GPR139: variants seen among roughly 807,000 people sequenced by gnomAD.
GPR139 encodes G protein-coupled receptor 139.
Under a neutral mutation model 25.8 loss-of-function variants are expected in GPR139, and 12 were observed. That is an observed-to-expected ratio of 0.47 (90% CI 0.30 to 0.75). GPR139 has a LOEUF of 0.75. Ranked by LOEUF, GPR139 falls within the 30% of genes least tolerant of loss-of-function variation. The pLI is 0.07. For missense variants in GPR139, 380 were observed against 450.2 expected (o/e 0.84, Z 1.41); for synonymous variants, 184 against 179.9 (o/e 1.02, Z -0.18).
At position 20,073,658 on chromosome 16, in the gene GPR139, G is replaced by C; in HGVS notation, c.-42C>G. ...CCCCTTGCCGCTTCGCGCCCGGCCT[G>C]CCAGCCCGACTCTGGTCGCCGGCTC... On this transcript the variant is annotated 5_prime_UTR_variant, in exon 1 of 2. Coordinates refer to ENST00000570682, the MANE Select transcript of GPR139 (RefSeq NM_001002911.4). The surrounding 1 kb of genome is among the most constrained non-coding windows in gnomAD (Gnocchi z 4.7). The C allele has an allele frequency of 6.6e-7, 1 of 1,521,488 alleles. No individual in the cohort carries two copies. The highest frequency in any genetic ancestry group is 8.8e-7 in the Non-Finnish European group (1 of 1,133,652). 94.2% of individuals were successfully genotyped at this position (1,521,488 alleles called of 1,614,324 possible).
At chr16:20,063,058 T>G (rs2057419428) in intron 1 of GPR139, among the ~76,000 whole-genome samples, 3 of 152,212 alleles carry the variant, frequency 2.0e-5, no homozygotes, top group African/African-American at 7.2e-5. Flanking sequence ...GAGTATGTGA[T>G]TTTAGTTGTA....
chr16:20,061,364 T>C (rs1032241946), intron 1 of GPR139, among the ~76,000 whole-genome samples: 1 of 151,320 alleles, frequency 6.6e-6, no homozygotes, highest in Non-Finnish European at 1.5e-5. Context: ...AATCAATGGG[T>C]GGATGGATGG....
chr16:20,064,465 G>A (rs1406012652), intron 1 of GPR139, among the ~76,000 whole-genome samples: 2 of 152,110 alleles, frequency 1.3e-5, no homozygotes, highest in African/African-American at 4.8e-5. Context: ...AACCTGGGAG[G>A]TGGAGCTTTC....
At chr16:20,070,154 G>A (rs2057454662) in intron 1 of GPR139, among the ~76,000 whole-genome samples, 1 of 152,204 alleles carries the variant, frequency 6.6e-6, no homozygotes, top group Admixed American at 6.5e-5. Flanking sequence ...TGGCTTGACT[G>A]TGCGACAGTA....
At position 20,030,223 on chromosome 16, in the gene GPR139, A is replaced by C. The variant is rs1351625063; in HGVS notation, c.*1512T>G. ...TAGACATGTCTTCCAACTTAGGGACAAAATGCAGTAAAAATCCAGCCTGAG... is the reference window on the plus strand; with the variant it reads ...TAGACATGTCTTCCAACTTAGGGACCAAATGCAGTAAAAATCCAGCCTGAG... On this transcript the variant is annotated 3_prime_UTR_variant, in exon 2 of 2. Coordinates refer to ENST00000570682, the MANE Select transcript of GPR139 (RefSeq NM_001002911.4). Among the ~76,000 whole-genome samples the C allele has an allele frequency of 6.6e-6, 1 of 152,196 alleles. No individual in the cohort carries two copies. The highest frequency in any genetic ancestry group is 1.5e-5 in the Non-Finnish European group (1 of 68,038).
Position 20,032,575 on chromosome 16 carries a change from G to T in GPR139, c.222C>A (p.Ile74=), listed in dbSNP as rs762439043. ...CAAACACTATGAAAAAGAGGACCAA[G>T]ATGTCGGCAGCAGCGAGTGCCAAGA... ...NYLLALAAAD[I]LVLFFIVFVD... The change falls in exon 2 of 2, where the codon ATC becomes ATA. Residue 74 remains isoleucine (I), a synonymous_variant. Transcript: ENST00000570682. 9.9e-6 allele frequency: 16 copies of T among 1,614,026 alleles called. No homozygotes were observed. The highest frequency in any genetic ancestry group is 2.7e-5 in the African/African-American group (2 of 74,928).
Position 20,032,403 on chromosome 16 carries a change from G to GGTACTTGA in GPR139, c.393_394insTCAAGTAC (p.His132SerfsTer22), listed in dbSNP as rs2057293760. The GGTACTTGA allele has an allele frequency of 6.2e-7, 1 of 1,614,060 alleles. No homozygotes were observed. Among genetic ancestry groups the GGTACTTGA allele is most frequent in the Admixed American group, 1.7e-5 (1 of 60,002 alleles). ...GAGACCGTGTGGTACTTGAGCGGGT[G>GGTACTTGA]GCAGACAGCGATATACCTGTCAATG... is the stretch of plus-strand genomic sequence containing the variant. On this transcript the variant is annotated frameshift_variant, in exon 2 of 2. Coordinates refer to ENST00000570682, the MANE Select transcript of GPR139 (RefSeq NM_001002911.4). LOFTEE classifies it high-confidence loss of function.
At chr16:20,037,218 G>A (rs2057313055) in intron 1 of GPR139, among the ~76,000 whole-genome samples, 1 of 152,166 alleles carries the variant, frequency 6.6e-6, no homozygotes. Flanking sequence ...TTAGGAGGCT[G>A]AGGGTGGTGG....
intron 1 of GPR139, among the ~76,000 whole-genome samples, chr16:20,065,980 G>T (rs980946681): frequency 3.9e-5 from 6 of 152,022 alleles, no homozygotes; most frequent in African/African-American, 4.8e-5. Flanking sequence ...ATTATTAAGA[G>T]AAATAGTTTG....
At position 20,029,716 on chromosome 16, in the gene GPR139, CTCAG is replaced by C. The variant is rs1285022730; in HGVS notation, c.*2015_*2018del. 2.6e-5 allele frequency among the ~76,000 whole-genome samples: 4 copies of C among 152,118 alleles called. No individual in the cohort carries two copies. Among genetic ancestry groups the C allele is most frequent in the Non-Finnish European group, 4.4e-5 (3 of 68,020 alleles). On this transcript the variant is annotated 3_prime_UTR_variant, in exon 2 of 2. Coordinates refer to ENST00000570682, the MANE Select transcript of GPR139 (RefSeq NM_001002911.4). ...AGCGTGGGAGATGGGAGATCTGTCC[CTCAG>C]TCAGACGACTTCCATGAACTTCTTT...
intron 1 of GPR139, among the ~76,000 whole-genome samples, chr16:20,061,159 C>T (rs763488872): frequency 6.6e-6 from 1 of 151,668 alleles, no homozygotes. Context: ...TGCCTGGTAC[C>T]TAGCAATGCC....
At chr16:20,046,349 A>G (rs1008473260) in intron 1 of GPR139, among the ~76,000 whole-genome samples, 5 of 152,250 alleles carry the variant, frequency 3.3e-5, no homozygotes, top group Non-Finnish European at 7.3e-5. Flanking sequence ...GTTTGCATCC[A>G]CAGGGAGCTT....
chr16:20,031,958 A>G lies in GPR139; in HGVS notation c.839T>C (p.Ile280Thr). Residue 280 changes from isoleucine (I) to threonine (T), a missense_variant, in exon 2 of 2, where the codon ATC becomes ACC. Transcript: ENST00000570682. ...GATGAAGCAGTAGAGGAAGAAGTTGATGGCTGTGTTCAGAAGGGCTAGCAT... is the reference window on the plus strand; with the variant it reads ...GATGAAGCAGTAGAGGAAGAAGTTGGTGGCTGTGTTCAGAAGGGCTAGCAT... ...ANMLALLNTAINFFLYCFISK... is the reference protein window; with the variant it reads ...ANMLALLNTATNFFLYCFISK... 6.2e-7 allele frequency: 1 copy of G among 1,614,164 alleles called. No individual in the cohort carries two copies. The highest frequency in any genetic ancestry group is 1.3e-5 in the African/African-American group (1 of 75,034).
chr16:20,068,376 A>G (rs988045207), intron 1 of GPR139, among the ~76,000 whole-genome samples: 2 of 152,000 alleles, frequency 1.3e-5, no homozygotes, highest in Non-Finnish European at 2.9e-5. Context: ...TTGGAAATCT[A>G]TTTTTTAAAA....
At chr16:20,069,758 A>G (rs2057453483) in intron 1 of GPR139, among the ~76,000 whole-genome samples, 1 of 152,032 alleles carries the variant, frequency 6.6e-6, no homozygotes, top group South Asian at 2.1e-4. Flanking sequence ...CTCCTTCCTT[A>G]TCAAGCTGGC....
chr16:20,050,637 G>T (rs1417749646), intron 1 of GPR139, among the ~76,000 whole-genome samples: 1 of 152,202 alleles, frequency 6.6e-6, no homozygotes, highest in Non-Finnish European at 1.5e-5. Flanking sequence ...AGGGAGGCCT[G>T]GCTGGAGACA....
At chr16:20,033,541 A>T (rs1488264221) in intron 1 of GPR139, among the ~76,000 whole-genome samples, 1 of 152,166 alleles carries the variant, frequency 6.6e-6, no homozygotes, top group East Asian at 1.9e-4. Flanking sequence ...AAGAGACGGG[A>T]CTATATAACC....
intron 1 of GPR139, among the ~76,000 whole-genome samples, chr16:20,049,706 GTT>G (rs1467233448): frequency 2.0e-5 from 3 of 152,204 alleles, no homozygotes; most frequent in African/African-American, 4.8e-5. Context: ...TGAATTCCAG[GTT>G]TGCTGATTCC....
At chr16:20,043,938 C>A (rs573381733) in intron 1 of GPR139, among the ~76,000 whole-genome samples, 2 of 150,114 alleles carry the variant, frequency 1.3e-5, no homozygotes, top group Admixed American at 1.3e-4. Context: ...TCCAGATGAG[C>A]CTTCTAGATC....
Sources: gnomAD v4.1 joint callset for allele counts (sites outside exome capture counted in the v4.1 genomes callset) on GRCh38, gnomAD v4.1.1 for gene constraint, Gnocchi (gnomAD v3.1) non-coding constraint, MANE v1.5 for transcripts, NCBI Gene and HGNC (gene_info 2026-07-23, HGNC 2026-07-21) for gene names.